MYO5A: variants seen among roughly 807,000 people sequenced by gnomAD.
MYO5A encodes the protein unconventional myosin-Va.
Under a neutral mutation model 249.7 loss-of-function variants are expected in MYO5A, and 98 were observed. The observed-to-expected ratio is 0.39, with a 90% CI of 0.33 to 0.46. MYO5A has a LOEUF of 0.46. MYO5A is among the 20% of genes least tolerant of loss of function. The pLI, the probability that MYO5A is intolerant of heterozygous loss-of-function variation, is 0.98. For synonymous variants in MYO5A, 778 were observed against 810.6 expected (o/e 0.96, Z 0.68); for missense variants, 1,696 against 2,308.8 (o/e 0.73, Z 5.44).
chr15:52,490,136 TG>T (rs1473097677), intron 1 of MYO5A, among the ~76,000 whole-genome samples: 2 of 152,314 alleles, frequency 1.3e-5, no homozygotes, highest in Admixed American at 1.3e-4. Flanking sequence ...CTCTGCACCC[TG>T]GTAATGTAAA....
chr15:52,402,188 T>C (rs1032340729), intron 9 of MYO5A, among the ~76,000 whole-genome samples: 5 of 152,170 alleles, frequency 3.3e-5, no homozygotes, highest in Admixed American at 3.3e-4. Flanking sequence ...CTGTATGTAG[T>C]TTTTTGAGAC....
chr15:52,477,079 G>A (rs1278648306), intron 1 of MYO5A, among the ~76,000 whole-genome samples: 3 of 152,128 alleles, frequency 2.0e-5, no homozygotes, highest in African/African-American at 7.2e-5. Flanking sequence ...TTTCTTGGAG[G>A]CTTTGTCATT....
intron 4 of MYO5A, among the ~76,000 whole-genome samples, chr15:52,417,297 T>C (rs2043549213): frequency 6.6e-6 from 1 of 152,214 alleles, no homozygotes; most frequent in African/African-American, 2.4e-5. Context: ...CTTCAGGAGA[T>C]ACTCTTTGAA....
chr15:52,311,170 TA>T lies in MYO5A; in HGVS notation c.*2525del, dbSNP rs911862957. The T allele has an allele frequency of 1.3e-5, 2 of 151,460 alleles. No homozygotes were observed. The highest frequency in any genetic ancestry group is 2.9e-5 in the Non-Finnish European group (2 of 67,966). 9.4% of individuals were successfully genotyped at this position (151,460 alleles called of 1,614,324 possible). ...GCTTCAGTACATGAGCTGTCCGGAG[TA>T]AAAAAAAGGGCTGCATGGCAGTGAC... On this transcript the variant is annotated 3_prime_UTR_variant, in exon 42 of 42. Coordinates refer to ENST00000399233, the MANE Select transcript of MYO5A (RefSeq NM_001382347.1).
At chr15:52,507,803 C>CAAAA (rs146846192) in intron 1 of MYO5A, among the ~76,000 whole-genome samples, 2 of 127,164 alleles carry the variant, frequency 1.6e-5, no homozygotes, top group African/African-American at 6.4e-5. Context: ...GACCCTGTCC[C>CAAAA]CAAAAAAAAA....
chr15:52,316,298 A>T (rs1473209243), intron 40 of MYO5A, among the ~76,000 whole-genome samples: 1 of 151,964 alleles, frequency 6.6e-6, no homozygotes, highest in African/African-American at 2.4e-5. Context: ...ATAACCGGGC[A>T]AAAGAAAATT....
rs2414145 is a variant in MYO5A, at chr15:52,375,355, G to A, written c.2526C>T (p.Ile842=). ...AGCCTCGCAAGTAAGACTGAAGAACGATAGTGGCAGCTCGTCTAATCTTGT... is the reference window on the plus strand; with the variant it reads ...AGCCTCGCAAGTAAGACTGAAGAACAATAGTGGCAGCTCGTCTAATCTTGT... ...RRYKIRRAAT[I]VLQSYLRGFL... is the part of the protein sequence containing the mutation. The change falls in exon 20 of 42, where the codon ATC becomes ATT. Residue 842 remains isoleucine, a synonymous_variant. Transcript: ENST00000399233. 0.97 allele frequency: 1,568,897 copies of A among 1,614,010 alleles called. 768,685 individuals carry two copies. The highest frequency in any genetic ancestry group is 1 in the Non-Finnish European group (1,176,767 of 1,180,006).
intron 1 of MYO5A, among the ~76,000 whole-genome samples, chr15:52,443,381 T>C (rs2075822601): frequency 6.6e-6 from 1 of 152,240 alleles, no homozygotes; most frequent in African/African-American, 2.4e-5. Context: ...TAGGGTTGAC[T>C]TAAAATTTTT....
chr15:52,417,766 C>T (rs1434085992), intron 4 of MYO5A, among the ~76,000 whole-genome samples: 3 of 152,162 alleles, frequency 2.0e-5, no homozygotes, highest in African/African-American at 7.2e-5. Flanking sequence ...GCTCATGTGC[C>T]CTCCTACTAC....
chr15:52,526,338 A>G (rs890059095), intron 1 of MYO5A, among the ~76,000 whole-genome samples: 3 of 152,066 alleles, frequency 2.0e-5, no homozygotes, highest in African/African-American at 7.2e-5. Flanking sequence ...CTGGGACCGC[A>G]GGCGTGACTA....
intron 1 of MYO5A, chr15:52,438,037 T>C (rs1450117023): frequency 1.0e-6 from 1 of 985,194 alleles, no homozygotes; most frequent in East Asian, 1.1e-4. Flanking sequence ...ACCATTGCCT[T>C]TCTGTGGTTC....
intron 1 of MYO5A, among the ~76,000 whole-genome samples, chr15:52,448,957 C>CTTTTTTTTTTTTTTTTT (rs145765339): frequency 3.6e-5 from 2 of 55,580 alleles, no homozygotes; most frequent in East Asian, 6.1e-4. Context: ...TCTTGTCTTT[C>CTTTTTTTTTTTTTTTTT]TTTTTTTTTT....
chr15:52,478,673 C>A, intron 1 of MYO5A, among the ~76,000 whole-genome samples: 1 of 152,184 alleles, frequency 6.6e-6, no homozygotes, highest in East Asian at 1.9e-4. Flanking sequence ...CTTAAGTTGT[C>A]AGGTTTACTG....
chr15:52,408,581 T>C (rs2043110167), intron 6 of MYO5A, among the ~76,000 whole-genome samples: 2 of 152,242 alleles, frequency 1.3e-5, no homozygotes, highest in Non-Finnish European at 2.9e-5. Flanking sequence ...TGGTTATTTG[T>C]AGGAAAGTCA....
intron 1 of MYO5A, among the ~76,000 whole-genome samples, chr15:52,527,016 TA>T (rs141891590): frequency 6.0e-5 from 9 of 149,730 alleles, no homozygotes; most frequent in African/African-American, 1.2e-4. Context: ...AATGATGAGC[TA>T]AAAAAAAAAT....
In MYO5A at chr15:52,388,989, G is replaced by A. The variant is rs530529797; in HGVS notation, c.1668+249C>T. Among the ~76,000 whole-genome samples the A allele has an allele frequency of 3.3e-5, 5 of 151,508 alleles. No individual in the cohort carries two copies. In the South Asian group the frequency reaches 1.0e-3, roughly 32 times the overall value. ...GATCAGAGATCAGGTTTAGCTAAAC[G>A]AGTTATTAAAAAAAAAACAGTTTAC... On this transcript the variant is annotated intron_variant, in intron 13 of 41. Transcript: ENST00000399233.
chr15:52,433,632 G>T (rs2075592741), intron 1 of MYO5A, among the ~76,000 whole-genome samples: 1 of 151,908 alleles, frequency 6.6e-6, no homozygotes, highest in South Asian at 2.1e-4. Context: ...TATTGGCCAA[G>T]CTGGTCTCCA....
chr15:52,502,719 C>A (rs1368863671), intron 1 of MYO5A, among the ~76,000 whole-genome samples: 1 of 152,234 alleles, frequency 6.6e-6, no homozygotes, highest in African/African-American at 2.4e-5. Flanking sequence ...GTAATCAATT[C>A]TCTCATTGTG....
intron 18 of MYO5A, 25 bp downstream of exon 18, chr15:52,379,600 T>C (rs368829722): frequency 5.0e-6 from 8 of 1,599,702 alleles, no homozygotes; most frequent in Middle Eastern, 3.3e-4. Context: ...TCTGCTCAGA[T>C]GACGGTAAGC....
Sources: gnomAD v4.1 joint callset for allele counts (sites outside exome capture counted in the v4.1 genomes callset) on GRCh38, gnomAD v4.1.1 for gene constraint, MANE v1.5 for transcripts, NCBI Gene and HGNC (gene_info 2026-07-23, HGNC 2026-07-21) for gene names.